Variants in EVA1A observed in about 807,000 individuals in gnomAD.
The protein encoded by EVA1A is protein eva-1 homolog A.
Under a neutral mutation model 9.8 loss-of-function variants are expected in EVA1A, and 7 were observed. That is an observed-to-expected ratio of 0.71 (90% CI 0.41 to 1.34). The LOEUF (loss-of-function observed/expected upper bound fraction) is 1.34. Ranked by LOEUF, EVA1A falls within the 40% of genes most tolerant of loss-of-function variation. The pLI is 0.01. For synonymous variants in EVA1A, 90 were observed against 85.6 expected (o/e 1.05, Z -0.28); for missense variants, 206 against 205.9 (o/e 1.00, Z 0.00).
At chr2:75,543,055 G>A (rs1676193156) in intron 1 of EVA1A, among the ~76,000 whole-genome samples, 1 of 152,170 alleles carries the variant, frequency 6.6e-6, no homozygotes, top group African/African-American at 2.4e-5. Context: ...GCAGGAAATG[G>A]CTGTATAGAA....
chr2:75,537,859 G>A (rs193284444), intron 1 of EVA1A, among the ~76,000 whole-genome samples: 1 of 152,262 alleles, frequency 6.6e-6, no homozygotes, highest in African/African-American at 2.4e-5. Context: ...AGCTTCCTGA[G>A]GCCTCACCAG....
chr2:75,524,815 C>A (rs542239464), intron 1 of EVA1A, among the ~76,000 whole-genome samples: 1 of 152,230 alleles, frequency 6.6e-6, no homozygotes, highest in South Asian at 2.1e-4. Context: ...CTTCTTCCTA[C>A]AGGACATGGT....
intron 1 of EVA1A, among the ~76,000 whole-genome samples, chr2:75,533,795 T>C (rs978628647): frequency 1.3e-5 from 2 of 150,900 alleles, no homozygotes; most frequent in Non-Finnish European, 3.0e-5. Flanking sequence ...TATTATTTTA[T>C]TTTATTTTAT....
At position 75,508,190 on chromosome 2, in the gene EVA1A, A is replaced by C. The variant is rs59925475; in HGVS notation, c.85+9866T>G. Among the ~76,000 whole-genome samples, 777 of 152,310 alleles carry C rather than the reference A, an allele frequency of 5.1e-3. 5 individuals are homozygous for C. The highest frequency in any genetic ancestry group is 0.017 in the African/African-American group (723 of 41,562). On this transcript the variant is annotated intron_variant, in intron 3 of 3. Coordinates refer to ENST00000393913, the MANE Select transcript of EVA1A (RefSeq NM_001135032.2). ...ATTGTACAGCATGTGTGTTTGAGCAATATGAAATCTGGGCACCTTGAAAAA... is the reference window on the plus strand; with the variant it reads ...ATTGTACAGCATGTGTGTTTGAGCACTATGAAATCTGGGCACCTTGAAAAA...
intron 3 of EVA1A, among the ~76,000 whole-genome samples, chr2:75,516,868 C>T (rs374928249): frequency 1.3e-5 from 2 of 152,320 alleles, no homozygotes; most frequent in East Asian, 3.9e-4. Flanking sequence ...TCCTTTCTCT[C>T]CAATGTTGCC....
chr2:75,516,357 C>T (rs1675005849), intron 3 of EVA1A, among the ~76,000 whole-genome samples: 1 of 152,172 alleles, frequency 6.6e-6, no homozygotes, highest in Non-Finnish European at 1.5e-5. Flanking sequence ...TTATTTTAGC[C>T]ACACTGCTTT....
At chr2:75,497,769 T>G (rs151250886) in intron 3 of EVA1A, among the ~76,000 whole-genome samples, 3 of 144,770 alleles carry the variant, frequency 2.1e-5, no homozygotes, top group African/African-American at 7.8e-5. Flanking sequence ...GAGGATCGCT[T>G]GAGCCAGGGA....
intron 1 of EVA1A, among the ~76,000 whole-genome samples, chr2:75,560,369 C>G (rs1676879834): frequency 6.6e-6 from 1 of 152,204 alleles, no homozygotes; most frequent in African/African-American, 2.4e-5. Context: ...GATTTGGGAA[C>G]GACCTGCTTT....
In EVA1A at chr2:75,517,991, C is replaced by CCAGGAGACAA. The variant is rs1357247211; in HGVS notation, c.85+55_85+64dup. ...TGAGAATAAGGCCAGAGATGGCCACCCAGGAGACAACCTTGGACCCAGCCC... is the reference window on the plus strand; with the variant it reads ...TGAGAATAAGGCCAGAGATGGCCACCCAGGAGACAACAGGAGACAACCTTGGACCCAGCCC... On this transcript the variant is annotated intron_variant, in intron 3 of 3. Transcript: ENST00000393913. 3 of 1,595,188 alleles carry CCAGGAGACAA rather than the reference C, an allele frequency of 1.9e-6. No homozygotes were observed. The African/African-American group carries it at 4.0e-5, about 21-fold the overall frequency.
intron 3 of EVA1A, among the ~76,000 whole-genome samples, chr2:75,515,715 G>A (rs1049512764): frequency 1.3e-5 from 2 of 152,062 alleles, no homozygotes; most frequent in African/African-American, 2.4e-5. Flanking sequence ...TATATAAACC[G>A]TATCTGTTTC....
chr2:75,548,983 AATATAT>A (rs71403226), intron 1 of EVA1A, among the ~76,000 whole-genome samples: 17 of 133,684 alleles, frequency 1.3e-4, no homozygotes, highest in East Asian at 4.3e-4. Context: ...CTAAATGAAA[AATATAT>A]ATATATATAT....
At chr2:75,512,136 T>C (rs1674841372) in intron 3 of EVA1A, among the ~76,000 whole-genome samples, 1 of 152,098 alleles carries the variant, frequency 6.6e-6, no homozygotes, top group South Asian at 2.1e-4. Flanking sequence ...CAGGCAAATA[T>C]GCTAAATATT....
intron 3 of EVA1A, among the ~76,000 whole-genome samples, chr2:75,504,465 C>G (rs969295605): frequency 6.6e-6 from 1 of 152,176 alleles, no homozygotes; most frequent in African/African-American, 2.4e-5. Flanking sequence ...TGCCCCACCC[C>G]ATTGGAAAGG....
intron 1 of EVA1A, among the ~76,000 whole-genome samples, chr2:75,568,467 T>A (rs34604963): frequency 0.19 from 28,491 of 151,712 alleles, 2,794 homozygotes; most frequent in East Asian, 0.23. Context: ...TTTTAATTTT[T>A]ATTTTATTTT....
At chr2:75,542,644 T>A (rs912102490) in intron 1 of EVA1A, 2 of 152,390 alleles carry the variant, frequency 1.3e-5, no homozygotes, top group African/African-American at 4.8e-5. Context: ...AATCACTCCC[T>A]CTTTTGGACT....
At position 75,492,748 on chromosome 2, in the gene EVA1A, A is replaced by G. The variant is rs1270332253; in HGVS notation, c.*488T>C. ...TGCCCTTGCAACACAAGATTTTAAA[A>G]ATCAGCCTTAAATAATAAGCATGGA... On this transcript the variant is annotated 3_prime_UTR_variant, in exon 4 of 4. Transcript: ENST00000393913. 6.5e-6 allele frequency: 1 copy of G among 153,458 alleles called. No homozygotes were observed. Among genetic ancestry groups the G allele is most frequent in the Non-Finnish European group, 1.5e-5 (1 of 68,674 alleles). 9.5% of individuals were successfully genotyped at this position (153,458 alleles called of 1,614,324 possible). A position where few individuals can be genotyped will look rare whatever the true frequency, so the allele number is the denominator to read the frequency against.
At chr2:75,526,065 A>G (rs920187009) in intron 1 of EVA1A, 1 of 152,254 alleles carries the variant, frequency 6.6e-6, no homozygotes, top group Non-Finnish European at 1.5e-5. Context: ...ATCTGCAGCT[A>G]CTAAGGAATT....
chr2:75,519,452 A>G (rs1312913136), intron 2 of EVA1A, among the ~76,000 whole-genome samples: 1 of 152,176 alleles, frequency 6.6e-6, no homozygotes, highest in African/African-American at 2.4e-5. Context: ...GGCTTCAGGA[A>G]AGACCAAAAC....
intron 3 of EVA1A, among the ~76,000 whole-genome samples, chr2:75,498,495 AC>A (rs1674293309): frequency 6.6e-6 from 1 of 152,124 alleles, no homozygotes; most frequent in African/African-American, 2.4e-5. Flanking sequence ...AGTAAAAAAA[AC>A]CCCAAAAAAC....
Sources: gnomAD v4.1 joint callset for allele counts (sites outside exome capture counted in the v4.1 genomes callset) on GRCh38, gnomAD v4.1.1 for gene constraint, MANE v1.5 for transcripts, NCBI Gene and HGNC (gene_info 2026-07-23, HGNC 2026-07-21) for gene names.